The following SLAIN2 variants were observed in gnomAD, a reference collection of about 807,000 sequenced individuals.
SLAIN2 encodes the protein SLAIN motif-containing protein 2.
A neutral mutation model predicts 56.6 loss-of-function variants in SLAIN2; 31 were observed. The observed-to-expected ratio is 0.55, with a 90% CI of 0.41 to 0.74. The LOEUF is 0.74. Among genes scored for constraint, SLAIN2 ranks in the 30% least tolerant of loss-of-function variants. SLAIN2 has a pLI of 0.00. For synonymous variants in SLAIN2, 317 were observed against 284.9 expected (o/e 1.11, Z -1.13); for missense variants, 777 against 754.2 (o/e 1.03, Z -0.35).
At chr4:48,362,662 G>A (rs987850634) in intron 1 of SLAIN2, among the ~76,000 whole-genome samples, 11 of 147,480 alleles carry the variant, frequency 7.5e-5, no homozygotes, top group African/African-American at 2.0e-4. Context: ...CTTGTGATCC[G>A]CCCACCTCAG....
intron 7 of SLAIN2, 23 bp from the exon 8 acceptor site, chr4:48,421,988 A>G (rs1717167381): frequency 4.5e-6 from 7 of 1,562,716 alleles, no homozygotes; most frequent in Non-Finnish European, 5.3e-6. Flanking sequence ...TCAAATTTTA[A>G]TTACAAAATT....
chr4:48,374,324 C>G (rs2109756272), intron 2 of SLAIN2, among the ~76,000 whole-genome samples: 1 of 152,160 alleles, frequency 6.6e-6, no homozygotes, highest in Middle Eastern at 3.4e-3. Context: ...GCAACCTCTG[C>G]CTCCCGGGTT....
chr4:48,356,694 CTA>C (rs1577710788), intron 1 of SLAIN2, among the ~76,000 whole-genome samples: 1 of 151,986 alleles, frequency 6.6e-6, no homozygotes, highest in South Asian at 2.1e-4. Context: ...TGGTTCAGCA[CTA>C]GAAGTTTGTT....
intron 1 of SLAIN2, among the ~76,000 whole-genome samples, chr4:48,359,180 A>G (rs1715250067): frequency 6.6e-6 from 1 of 152,092 alleles, no homozygotes; most frequent in Admixed American, 6.6e-5. Flanking sequence ...TTCAGATCCA[A>G]ATATTTGAAC....
chr4:48,342,227 G>A lies in SLAIN2; in HGVS notation c.389+99G>A, dbSNP rs549056650. The A allele has an allele frequency of 2.3e-6, 3 of 1,294,808 alleles. No homozygotes were observed. In the East Asian group the frequency reaches 9.4e-5, roughly 41 times the overall value. The allele number at this position is 1,294,808 out of a possible 1,614,324, so 80.2% of individuals were successfully genotyped here. On this transcript the variant is annotated intron_variant, in intron 1 of 7. Transcript: ENST00000264313. The stretch of plus-strand genomic sequence containing the variant: ...CTGGTCGGGCGCCTCGCTTTGTGTA[G>A]CCGGGTCCGCTCTCCTGTGGCGACT...
chr4:48,372,428 T>G (rs745409514), intron 2 of SLAIN2, among the ~76,000 whole-genome samples: 6 of 152,194 alleles, frequency 3.9e-5, no homozygotes, highest in South Asian at 4.1e-4. Context: ...AGACAATACA[T>G]AAATGAGTGG....
intron 6 of SLAIN2, among the ~76,000 whole-genome samples, chr4:48,411,346 C>T (rs1326665701): frequency 2.6e-5 from 4 of 152,012 alleles, no homozygotes; most frequent in Non-Finnish European, 5.9e-5. Context: ...ATAAAATTCA[C>T]GATGCAAAAA....
intron 6 of SLAIN2, among the ~76,000 whole-genome samples, chr4:48,398,907 A>G (rs770793362): frequency 2.0e-5 from 3 of 152,140 alleles, no homozygotes; most frequent in Admixed American, 6.5e-5. Context: ...GCCTTGTAGT[A>G]TAGTTTGAAG....
intron 6 of SLAIN2, among the ~76,000 whole-genome samples, chr4:48,413,319 G>A (rs763364900): frequency 1.3e-5 from 2 of 152,074 alleles, no homozygotes. Context: ...GGAGACCTGG[G>A]TTCAGTTCAG....
chr4:48,352,413 T>C (rs1715037615), intron 1 of SLAIN2, among the ~76,000 whole-genome samples: 1 of 152,228 alleles, frequency 6.6e-6, no homozygotes, highest in Non-Finnish European at 1.5e-5. Context: ...AGATATCATT[T>C]TGGTTTCAAG....
At chr4:48,392,348 G>A (rs1233527816) in intron 6 of SLAIN2, among the ~76,000 whole-genome samples, 1 of 152,092 alleles carries the variant, frequency 6.6e-6, no homozygotes, top group Non-Finnish European at 1.5e-5. Context: ...GAAACTTGAG[G>A]GATAAATAGG....
intron 6 of SLAIN2, among the ~76,000 whole-genome samples, chr4:48,418,452 C>G (rs1717057970): frequency 2.0e-5 from 3 of 152,142 alleles, no homozygotes; most frequent in South Asian, 2.1e-4. Context: ...GTGGATTACA[C>G]TGATTGATTT....
rs148587412 is a variant in SLAIN2 at position 48,374,802 on chromosome 4, A to T, written c.539-3094A>T. On this transcript the variant is annotated intron_variant, in intron 2 of 7. Transcript: ENST00000264313. ...AAAAGGGAATGAACCAAATATGAGG[A>T]AATGGTGGACAAGAATATCAGTAGT... is the stretch of plus-strand genomic sequence containing the variant. Among the ~76,000 whole-genome samples the T allele has an allele frequency of 1.6e-3, 249 of 152,282 alleles. 2 individuals are homozygous for T. Among genetic ancestry groups the T allele is most frequent in the African/African-American group, 5.3e-3 (221 of 41,560 alleles).
intron 6 of SLAIN2, among the ~76,000 whole-genome samples, chr4:48,395,004 T>C (rs1376185494): frequency 6.6e-6 from 1 of 152,202 alleles, no homozygotes; most frequent in Non-Finnish European, 1.5e-5. Context: ...TGTTTTTTCC[T>C]CAGACTTCAA....
chr4:48,366,567 T>A (rs949519516), intron 1 of SLAIN2, among the ~76,000 whole-genome samples: 3 of 152,222 alleles, frequency 2.0e-5, no homozygotes, highest in Non-Finnish European at 4.4e-5. Flanking sequence ...GTCTAATAAT[T>A]GCCACTCCAG....
chr4:48,353,206 G>A (rs979971341), intron 1 of SLAIN2, among the ~76,000 whole-genome samples: 5 of 152,138 alleles, frequency 3.3e-5, no homozygotes, highest in East Asian at 1.9e-4. Flanking sequence ...AAGGGATTGG[G>A]CACTACTTGA....
At chr4:48,385,690 G>A (rs1716081823) in intron 6 of SLAIN2, among the ~76,000 whole-genome samples, 1 of 149,878 alleles carries the variant, frequency 6.7e-6, no homozygotes, top group African/African-American at 2.5e-5. Flanking sequence ...CTGGAGTGCA[G>A]TGGCACAATC....
At chr4:48,349,326 CAA>C (rs1714950023) in intron 1 of SLAIN2, among the ~76,000 whole-genome samples, 1 of 152,138 alleles carries the variant, frequency 6.6e-6, no homozygotes, top group Non-Finnish European at 1.5e-5. Context: ...TAAATGAAAT[CAA>C]TCTATCAGTG....
At chr4:48,374,308 C>T (rs1200756269) in intron 2 of SLAIN2, among the ~76,000 whole-genome samples, 1 of 152,098 alleles carries the variant, frequency 6.6e-6, no homozygotes, top group African/African-American at 2.4e-5. Context: ...GCGATCTTGG[C>T]TCACTGCAAC....
Sources: gnomAD v4.1 joint callset for allele counts (sites outside exome capture counted in the v4.1 genomes callset) on GRCh38, gnomAD v4.1.1 for gene constraint, MANE v1.5 for transcripts, NCBI Gene and HGNC (gene_info 2026-07-23, HGNC 2026-07-21) for gene names.